Variants in FSD1L observed in about 807,000 individuals in gnomAD.
FSD1L encodes FSD1-like protein.
Under a neutral mutation model 71.6 loss-of-function variants are expected in FSD1L, and 45 were observed. That is an observed-to-expected ratio of 0.63 (90% confidence interval 0.49 to 0.81). The LOEUF (loss-of-function observed/expected upper bound fraction) is 0.81. Among genes scored for constraint, FSD1L ranks in the 30% least tolerant of loss-of-function variants. The pLI is 0.00. For synonymous variants in FSD1L, 197 were observed against 207.2 expected, an observed-to-expected ratio of 0.95 and a Z score of 0.42; for missense variants, 561 against 618.1, an observed-to-expected ratio of 0.91 and a Z score of 0.98.
chr9:105,499,461 A>C (rs549547256), intron 7 of FSD1L, among the ~76,000 whole-genome samples: 1 of 152,048 alleles, frequency 6.6e-6, no homozygotes, highest in South Asian at 2.1e-4. Context: ...TTGGCAACAG[A>C]TTTCCTCAAT....
upstream of FSD1L, among the ~76,000 whole-genome samples, chr9:105,446,608 T>G (rs1829654854): frequency 6.6e-6 from 1 of 152,032 alleles, no homozygotes; most frequent in Non-Finnish European, 1.5e-5. Flanking sequence ...TGGACTCAAG[T>G]GATCCACTCA....
intron 3 of FSD1L, among the ~76,000 whole-genome samples, chr9:105,466,250 T>C (rs1366482533): frequency 6.6e-6 from 1 of 152,078 alleles, no homozygotes; most frequent in Non-Finnish European, 1.5e-5. Context: ...GACAAATGAA[T>C]GGAAAAATAT....
At chr9:105,487,334 T>G (rs945189005) in intron 7 of FSD1L, among the ~76,000 whole-genome samples, 4 of 152,060 alleles carry the variant, frequency 2.6e-5, no homozygotes, top group African/African-American at 9.7e-5. Flanking sequence ...TTGGGTAGAT[T>G]TTAAGTTGTC....
chr9:105,487,827 A>T (rs575391972), intron 7 of FSD1L, among the ~76,000 whole-genome samples: 1 of 152,314 alleles, frequency 6.6e-6, no homozygotes, highest in East Asian at 1.9e-4. Context: ...AAGATTGTAA[A>T]AATACACATA....
At chr9:105,510,697 T>A (rs1320726397) in intron 9 of FSD1L, among the ~76,000 whole-genome samples, 3 of 152,222 alleles carry the variant, frequency 2.0e-5, no homozygotes, top group East Asian at 1.9e-4. Context: ...ATGAGTAATA[T>A]AAGTTCTTAT....
At chr9:105,515,522 C>T (rs1332031698) in intron 10 of FSD1L, among the ~76,000 whole-genome samples, 1 of 152,140 alleles carries the variant, frequency 6.6e-6, no homozygotes, top group East Asian at 1.9e-4. Flanking sequence ...GTGGGTGCAG[C>T]CCATGGAGGG....
intron 1 of FSD1L, 129 bp downstream of exon 1, chr9:105,448,364 G>A (rs1018281398): frequency 1.1e-6 from 1 of 902,518 alleles, no homozygotes; most frequent in Non-Finnish European, 1.5e-6. Flanking sequence ...TGCTGCTGCG[G>A]AGGGCAAGGC....
chr9:105,511,334 G>A (rs1245533213), intron 9 of FSD1L, among the ~76,000 whole-genome samples: 1 of 151,984 alleles, frequency 6.6e-6, no homozygotes, highest in South Asian at 2.1e-4. Context: ...GAGAATTGGT[G>A]GCACCTTAGA....
intron 10 of FSD1L, among the ~76,000 whole-genome samples, chr9:105,515,484 G>A (rs965212228): frequency 2.6e-5 from 4 of 152,196 alleles, no homozygotes; most frequent in Admixed American, 2.6e-4. Flanking sequence ...TGGGGTACCC[G>A]GTTCATCTCA....
intron 12 of FSD1L, among the ~76,000 whole-genome samples, chr9:105,538,606 A>T (rs1836413390): frequency 6.6e-6 from 1 of 152,080 alleles, no homozygotes; most frequent in Non-Finnish European, 1.5e-5. Context: ...TTAGGGCATG[A>T]TCCTATTGAA....
At chr9:105,492,025 G>C (rs1178613913) in intron 7 of FSD1L, among the ~76,000 whole-genome samples, 1 of 151,816 alleles carries the variant, frequency 6.6e-6, no homozygotes, top group Non-Finnish European at 1.5e-5. Context: ...AAATGAGTTA[G>C]GGAGGATTCC....
chr9:105,443,185 C>T (rs966021786), upstream of FSD1L, among the ~76,000 whole-genome samples: 5 of 152,096 alleles, frequency 3.3e-5, no homozygotes, highest in Non-Finnish European at 7.4e-5. Flanking sequence ...GTTCTCATGC[C>T]GTTGATAAAG....
At chr9:105,483,070 A>G (rs1199528160) in intron 6 of FSD1L, among the ~76,000 whole-genome samples, 8 of 152,182 alleles carry the variant, frequency 5.3e-5, no homozygotes, top group African/African-American at 1.7e-4. Flanking sequence ...TTGAAATTGT[A>G]TTATTTGAGA....
At chr9:105,522,646 C>T in intron 10 of FSD1L, 2 of 1,612,504 alleles carry the variant, frequency 1.2e-6, no homozygotes, top group Admixed American at 3.3e-5. Context: ...AGTAGCAGCA[C>T]TTCTGACATC....
intron 4 of FSD1L, 93 bp downstream of exon 4, chr9:105,468,417 C>A (rs1209621539): frequency 3.1e-6 from 3 of 954,424 alleles, no homozygotes; most frequent in Non-Finnish European, 4.5e-6. Context: ...CTAAGTATAA[C>A]TATACCCTTA....
intron 3 of FSD1L, among the ~76,000 whole-genome samples, chr9:105,465,261 C>T (rs545071975): frequency 6.6e-6 from 1 of 152,298 alleles, no homozygotes; most frequent in South Asian, 2.1e-4. Flanking sequence ...ATTGAATCCA[C>T]AGTGAAGTCT....
chr9:105,546,658 A>G lies in FSD1L; in HGVS notation c.*175A>G, dbSNP rs1837024951. On this transcript the variant is annotated 3_prime_UTR_variant, in exon 14 of 14. Transcript: ENST00000481272. ...AAGCATTTGCAGGAACCTACTGTGCAGTATCATAGAAGCAAGCAGATACCA... is the reference window on the plus strand; with the variant it reads ...AAGCATTTGCAGGAACCTACTGTGCGGTATCATAGAAGCAAGCAGATACCA... The G allele has an allele frequency of 4.3e-6, 2 of 469,704 alleles. No individual in the cohort carries two copies. Among genetic ancestry groups the G allele is most frequent in the Non-Finnish European group, 7.1e-6 (2 of 281,588 alleles). The allele number at this position is 469,704 out of a possible 1,614,324, so 29.1% of individuals were successfully genotyped here.
At chr9:105,501,862 A>G (rs1214186461) in intron 7 of FSD1L, among the ~76,000 whole-genome samples, 1 of 152,208 alleles carries the variant, frequency 6.6e-6, no homozygotes, top group Non-Finnish European at 1.5e-5. Context: ...AGAACTTTTC[A>G]GAGATTCTGC....
chr9:105,520,006 C>G, intron 10 of FSD1L: 1 of 1,426,040 alleles, frequency 7.0e-7, no homozygotes, highest in Non-Finnish European at 9.2e-7. Flanking sequence ...CTGCCCTGGC[C>G]CGCAAGGCTG....
Sources: allele counts gnomAD v4.1 joint callset (sites outside exome capture counted in the v4.1 genomes callset), GRCh38; gene constraint gnomAD v4.1.1; transcripts MANE v1.5; gene names NCBI Gene and HGNC (gene_info 2026-07-23, HGNC 2026-07-21).